The following ESR1 variants were observed in gnomAD, a reference collection of about 807,000 sequenced individuals.
The protein encoded by ESR1 is estrogen receptor 1.
In ESR1, 12 loss-of-function variants were observed where a neutral mutation model predicts 52.7. The observed-to-expected ratio is 0.23, with a 90% CI of 0.15 to 0.37. The LOEUF (loss-of-function observed/expected upper bound fraction) is 0.37. Among genes scored for constraint, ESR1 ranks in the 10% least tolerant of loss-of-function variants. ESR1 has a pLI of 1.00. For missense variants in ESR1, 584 were observed against 779.7 expected, an observed-to-expected ratio of 0.75 and a Z score of 2.99; for synonymous variants, 305 against 316.8, an observed-to-expected ratio of 0.96 and a Z score of 0.39.
chr6:152,030,196 G>A (rs1351638526), intron 5 of ESR1, among the ~76,000 whole-genome samples: 1 of 152,098 alleles, frequency 6.6e-6, no homozygotes, highest in African/African-American at 2.4e-5. Flanking sequence ...CATGCAAATT[G>A]GAAAGACCAT....
chr6:151,750,468 C>T (rs1055515484), intron 2 of ESR1, among the ~76,000 whole-genome samples: 1 of 152,098 alleles, frequency 6.6e-6, no homozygotes, highest in Non-Finnish European at 1.5e-5. Context: ...GGTCAATGTT[C>T]TCATAATACT....
At chr6:152,125,297 C>A (rs1181938125) in exon 7 of ESR1, 13 of 1,550,258 alleles carry the variant, frequency 8.4e-6, no homozygotes, top group East Asian at 4.9e-5. Context: ...AGAAGAGAAT[C>A]CTGAACTTGC....
chr6:151,825,216 G>T (rs1256896653), intron 1 of ESR1, among the ~76,000 whole-genome samples: 4 of 152,066 alleles, frequency 2.6e-5, no homozygotes, highest in African/African-American at 9.7e-5. Flanking sequence ...TTTGGGGGTG[G>T]CTGCCTTGGT....
chr6:151,685,778 T>A (rs1778640391), upstream of ESR1, among the ~76,000 whole-genome samples: 1 of 151,190 alleles, frequency 6.6e-6, no homozygotes, highest in East Asian at 2.1e-4. Context: ...TAATAGAAAA[T>A]TTTTCATAAT....
chr6:152,099,206 TTGCTA>T lies in ESR1; in HGVS notation c.*243_*247del. ...TCTTTGTAACAGCTCTCTTTCCCCCTTGCTATGTTACTAAGCGTGAGGATTCCCGT... is the reference window on the plus strand; with the variant it reads ...TCTTTGTAACAGCTCTCTTTCCCCCTTGTTACTAAGCGTGAGGATTCCCGT... On this transcript the variant is annotated 3_prime_UTR_variant, in exon 8 of 8. Coordinates refer to ENST00000206249, the MANE Select transcript of ESR1 (RefSeq NM_000125.4). 1 of 564,326 alleles carries T rather than the reference TTGCTA, an allele frequency of 1.8e-6. No individual in the cohort carries two copies. Among genetic ancestry groups the T allele is most frequent in the Non-Finnish European group, 3.2e-6 (1 of 310,844 alleles). The allele number at this position is 564,326 out of a possible 1,614,324, so 35.0% of individuals were successfully genotyped here.
chr6:151,953,730 A>T (rs186404014), intron 4 of ESR1, among the ~76,000 whole-genome samples: 25 of 152,148 alleles, frequency 1.6e-4, no homozygotes, highest in Admixed American at 7.9e-4. Context: ...AAAAGAATAC[A>T]GTGAGGACCT....
intron 2 of ESR1, among the ~76,000 whole-genome samples, chr6:151,716,422 T>A (rs2206948): frequency 0.23 from 35,286 of 151,950 alleles, 4,193 homozygotes; most frequent in Non-Finnish European, 0.25. Context: ...CTGCTGAAGC[T>A]GTGCTCACAG....
chr6:151,816,878 C>A (rs953741204), intron 1 of ESR1, among the ~76,000 whole-genome samples: 2 of 151,622 alleles, frequency 1.3e-5, no homozygotes, highest in African/African-American at 4.9e-5. Context: ...CCTGTCTCTA[C>A]AAAAAAACAA....
rs1418073364 is a variant in ESR1 at position 152,101,153 on chromosome 6, T to C, written c.*2187T>C. The C allele has an allele frequency of 4.3e-6, 1 of 231,638 alleles. No individual in the cohort carries two copies. The highest frequency in any genetic ancestry group is 2.2e-5 in the African/African-American group (1 of 45,202). The allele number at this position is 231,638 out of a possible 1,614,324, so 14.3% of individuals were successfully genotyped here. ...ATCACATTTCATATCAACTTTTGTA[T>C]CCACAGTAGACAAAATAGCACTAAT... On this transcript the variant is annotated 3_prime_UTR_variant, in exon 8 of 8. Transcript: ENST00000206249.
chr6:152,106,929 A>G (rs760088357), downstream of ESR1, among the ~76,000 whole-genome samples: 1 of 151,322 alleles, frequency 6.6e-6, no homozygotes, highest in African/African-American at 2.4e-5. Context: ...ATATCATCCC[A>G]TTGTCTTCAG....
At chr6:151,995,720 C>T (rs1490527357) in intron 4 of ESR1, among the ~76,000 whole-genome samples, 1 of 151,998 alleles carries the variant, frequency 6.6e-6, no homozygotes, top group African/African-American at 2.4e-5. Flanking sequence ...GGTGGGTGCC[C>T]TAAAAATACA....
rs1582910484 is a variant in ESR1 at position 151,693,605 on chromosome 6, C to T, written c.-202+2941C>T. Among the ~76,000 whole-genome samples the T allele has an allele frequency of 3.9e-5, 6 of 152,286 alleles. No homozygotes were observed. In the East Asian group the frequency reaches 5.8e-4, roughly 15 times the overall value. On this transcript the variant is annotated intron_variant, in intron 1 of 2. Coordinates refer to the ESR1 transcript ENST00000404742. ...TTGTTGGGCAATGTCTTAGTCCATA[C>T]ACACATAGAGCTCTATGCTGATTTT...
chr6:151,717,860 C>T (rs1160591647), intron 2 of ESR1, among the ~76,000 whole-genome samples: 1 of 152,060 alleles, frequency 6.6e-6, no homozygotes, highest in Non-Finnish European at 1.5e-5. Flanking sequence ...AAGTCATATA[C>T]ACAAGAGTTT....
chr6:151,847,322 G>A (rs893516114), intron 2 of ESR1, among the ~76,000 whole-genome samples: 3 of 152,150 alleles, frequency 2.0e-5, no homozygotes, highest in African/African-American at 7.2e-5. Context: ...AAGAACTCAA[G>A]CCCATTTAGC....
intron 2 of ESR1, among the ~76,000 whole-genome samples, chr6:151,715,724 GC>G (rs1415774338): frequency 6.6e-6 from 1 of 152,152 alleles, no homozygotes; most frequent in Non-Finnish European, 1.5e-5. Context: ...ATTGTAGTTA[GC>G]AATTCCTCTA....
rs1320321414 is a variant in ESR1, at chr6:152,030,300, A to G, written c.1235+18506A>G. Among the ~76,000 whole-genome samples the G allele has an allele frequency of 3.3e-5, 5 of 152,288 alleles. No individual in the cohort carries two copies. The South Asian group carries it at 8.3e-4, about 25-fold the overall frequency. On this transcript the variant is annotated intron_variant, in intron 5 of 7. Transcript: ENST00000206249. The stretch of plus-strand genomic sequence containing the variant: ...TCACACATAACAATATTAACCTTAA[A>G]TGTAAATGGGCTAAATGCTTCAATT...
intron 2 of ESR1, among the ~76,000 whole-genome samples, chr6:151,704,033 T>C (rs1779991865): frequency 6.6e-6 from 1 of 152,198 alleles, no homozygotes; most frequent in African/African-American, 2.4e-5. Flanking sequence ...AGAACATCAG[T>C]GGTTCTCCCA....
At chr6:151,746,524 GA>G (rs1386551625) in intron 2 of ESR1, among the ~76,000 whole-genome samples, 1 of 152,080 alleles carries the variant, frequency 6.6e-6, no homozygotes, top group Non-Finnish European at 1.5e-5. Flanking sequence ...AAAATACAGG[GA>G]AAAGGCATCA....
chr6:151,662,600 T>C (rs1467505841), intron 1 of ESR1, among the ~76,000 whole-genome samples: 5 of 151,964 alleles, frequency 3.3e-5, no homozygotes, highest in African/African-American at 1.2e-4. Flanking sequence ...CACCAGCAAA[T>C]CCACAGGGCG....
Sources: allele counts gnomAD v4.1 joint callset (sites outside exome capture counted in the v4.1 genomes callset), GRCh38; gene constraint gnomAD v4.1.1; transcripts MANE v1.5; gene names NCBI Gene and HGNC (gene_info 2026-07-23, HGNC 2026-07-21).